Variants in FBN2 observed in about 807,000 individuals in gnomAD.
FBN2 encodes the protein fibrillin-2.
Under a neutral mutation model 355.6 loss-of-function variants are expected in FBN2, and 105 were observed. The observed-to-expected ratio is 0.30, with a 90% CI of 0.25 to 0.35. The LOEUF is 0.35. Among genes scored for constraint, FBN2 ranks in the 10% least tolerant of loss-of-function variants. The probability of loss-of-function intolerance (pLI) is 1.00; values close to 1 mark genes in which losing one functional copy is unlikely to be tolerated. For missense variants in FBN2, 3,280 were observed against 3,758.7 expected (o/e 0.87, Z 3.33); for synonymous variants, 1,350 against 1,301.2 (o/e 1.04, Z -0.81).
chr5:128,445,394 T>C (rs1388043258), intron 7 of FBN2, among the ~76,000 whole-genome samples: 3 of 152,230 alleles, frequency 2.0e-5, no homozygotes, highest in Non-Finnish European at 2.9e-5. Context: ...TATAAGATTA[T>C]GGTTTCTGGC....
chr5:128,302,891 T>G lies in FBN2; in HGVS notation c.5917+82A>C, dbSNP rs549210592. 1.3e-5 allele frequency: 11 copies of G among 840,580 alleles called. No homozygotes were observed. The African/African-American group carries it at 1.5e-4, about 12-fold the overall frequency. The allele number at this position is 840,580 out of a possible 1,614,324, so 52.1% of individuals were successfully genotyped here. The stretch of plus-strand genomic sequence containing the variant: ...GCAATTTTAGTAATATAATTTTTTT[T>G]TGTTCTTTAGTTTTGTTTTTTATTT... On this transcript the variant is annotated intron_variant, in intron 46 of 64. Coordinates refer to ENST00000262464, the MANE Select transcript of FBN2 (RefSeq NM_001999.4).
At chr5:128,417,154 A>T (rs918928452) in intron 7 of FBN2, among the ~76,000 whole-genome samples, 4 of 151,992 alleles carry the variant, frequency 2.6e-5, no homozygotes, top group Non-Finnish European at 5.9e-5. Flanking sequence ...TTTTTTAGCT[A>T]CTTCATTATT....
At chr5:128,320,527 A>G (rs990215020) in intron 34 of FBN2, among the ~76,000 whole-genome samples, 1 of 152,198 alleles carries the variant, frequency 6.6e-6, no homozygotes, top group Non-Finnish European at 1.5e-5. Context: ...TTTACTTTTA[A>G]ATGAACTTTA....
At chr5:128,330,438 A>C (rs1246586027) in intron 33 of FBN2, 135 bp downstream of exon 33, 9 of 841,984 alleles carry the variant, frequency 1.1e-5, no homozygotes, top group Non-Finnish European at 1.4e-5. Context: ...AAAGATACAT[A>C]GTCACCTGCA....
In FBN2 at chr5:128,494,756, C is replaced by T. The variant is rs544404115; in HGVS notation, c.628+24517G>A. 3.3e-5 allele frequency among the ~76,000 whole-genome samples: 5 copies of T among 152,264 alleles called. No individual in the cohort carries two copies. In the East Asian group the frequency reaches 9.7e-4, roughly 29 times the overall value. ...TCCACTGCAGAAGAAACAGACTTCA[C>T]TAAGATCGTCCAGCCAAGGCACTAA... On this transcript the variant is annotated intron_variant, in intron 5 of 64. Transcript: ENST00000262464.
At chr5:128,387,714 G>T (rs186311157) in intron 11 of FBN2, among the ~76,000 whole-genome samples, 1 of 152,050 alleles carries the variant, frequency 6.6e-6, no homozygotes, top group Non-Finnish European at 1.5e-5. Context: ...GAGTGTGGTT[G>T]GTATAATTTC....
chr5:128,508,766 T>C (rs1193603043), intron 5 of FBN2, among the ~76,000 whole-genome samples: 2 of 152,068 alleles, frequency 1.3e-5, no homozygotes, highest in African/African-American at 2.4e-5. Flanking sequence ...TATTTCTTAC[T>C]GTGCAGGTGA....
intron 55 of FBN2, among the ~76,000 whole-genome samples, chr5:128,285,311 C>A (rs1349482178): frequency 6.6e-6 from 1 of 151,916 alleles, no homozygotes; most frequent in African/African-American, 2.4e-5. Context: ...AATATTTTTA[C>A]TGTTTTTAAA....
At chr5:128,505,558 C>G (rs1399675298) in intron 5 of FBN2, among the ~76,000 whole-genome samples, 2 of 152,144 alleles carry the variant, frequency 1.3e-5, no homozygotes, top group Non-Finnish European at 2.9e-5. Context: ...ATCATTACAA[C>G]CTATATAACA....
Position 128,408,158 on chromosome 5 carries a change from A to C in FBN2, c.1078+516T>G, listed in dbSNP as rs182588709. 4.2e-3 allele frequency among the ~76,000 whole-genome samples: 645 copies of C among 152,348 alleles called. 4 individuals carry two copies. Among genetic ancestry groups the C allele is most frequent in the Non-Finnish European group, 7.4e-3 (502 of 68,028 alleles). ...ATGCTCGCAATAAGACAGATGTCTA[A>C]GCCTTGCTCAATAACAGATTACCTT... is the stretch of plus-strand genomic sequence containing the variant. On this transcript the variant is annotated intron_variant, in intron 8 of 64. Transcript: ENST00000262464.
chr5:128,355,696 C>G (rs750509241), intron 20 of FBN2, among the ~76,000 whole-genome samples: 34 of 152,128 alleles, frequency 2.2e-4, no homozygotes, highest in Non-Finnish European at 4.1e-4. Flanking sequence ...CAACTAGATT[C>G]TCTTTTTAAT....
At chr5:128,426,387 G>C (rs1753484110) in intron 7 of FBN2, among the ~76,000 whole-genome samples, 1 of 152,136 alleles carries the variant, frequency 6.6e-6, no homozygotes, top group Non-Finnish European at 1.5e-5. Flanking sequence ...ACTTTTGCCT[G>C]TAGACTTAGG....
chr5:128,408,890 T>A, intron 7 of FBN2, 91 bp from the exon 8 acceptor site: 1 of 1,395,048 alleles, frequency 7.2e-7, no homozygotes, highest in Admixed American at 1.7e-5. Context: ...ATGAGAGCAT[T>A]CATGGTTGAT....
chr5:128,509,733 CT>C (rs1461097763), intron 5 of FBN2, among the ~76,000 whole-genome samples: 9 of 152,004 alleles, frequency 5.9e-5, no homozygotes, highest in Middle Eastern at 3.4e-3. Flanking sequence ...ATGTTTGATC[CT>C]TTTAGCTGTT....
In FBN2 at chr5:128,454,401, TAA is replaced by T. The variant is rs201506339; in HGVS notation, c.827-7797_827-7796del. ...TAACTTGTGTTAATACAGCATGAAT[TAA>T]AGTTAGACTTTATAATGATCTCGTT... On this transcript the variant is annotated intron_variant, in intron 6 of 64. Coordinates refer to ENST00000262464, the MANE Select transcript of FBN2 (RefSeq NM_001999.4). 9.2e-5 allele frequency among the ~76,000 whole-genome samples: 14 copies of T among 152,360 alleles called. No individual in the cohort carries two copies. The East Asian group carries it at 2.7e-3, about 29-fold the overall frequency.
At chr5:128,411,916 TG>T (rs1753079241) in intron 7 of FBN2, among the ~76,000 whole-genome samples, 1 of 152,222 alleles carries the variant, frequency 6.6e-6, no homozygotes, top group Non-Finnish European at 1.5e-5. Context: ...TCTTCAATAC[TG>T]TATGTCATAA....
At position 128,459,344 on chromosome 5, in the gene FBN2, G is replaced by A. The variant is rs151278308; in HGVS notation, c.826+5380C>T. On this transcript the variant is annotated intron_variant, in intron 6 of 64. Coordinates refer to ENST00000262464, the MANE Select transcript of FBN2 (RefSeq NM_001999.4). Reference sequence around the variant, plus strand: ...AACCAAAAAAACCTCAGGACCAGACGGATTCACAGCTGAATTCTACAAGAA... The same window carrying A: ...AACCAAAAAAACCTCAGGACCAGACAGATTCACAGCTGAATTCTACAAGAA... Among the ~76,000 whole-genome samples the A allele has an allele frequency of 7.3e-3, 1,104 of 152,130 alleles. 13 individuals are homozygous for A. The highest frequency in any genetic ancestry group is 0.022 in the African/African-American group (908 of 41,480).
intron 26 of FBN2, 100 bp from the exon 27 acceptor site, chr5:128,338,222 G>T: frequency 8.4e-7 from 1 of 1,195,644 alleles, no homozygotes; most frequent in Non-Finnish European, 1.2e-6. Flanking sequence ...GAGAGTGTGA[G>T]TTAGTGGAAG....
chr5:128,493,843 T>C (rs959432924), intron 5 of FBN2, among the ~76,000 whole-genome samples: 3 of 152,124 alleles, frequency 2.0e-5, no homozygotes, highest in Non-Finnish European at 4.4e-5. Context: ...GTGACAGATC[T>C]GTTATGGTGG....
Sources: gnomAD v4.1 joint callset for allele counts (sites outside exome capture counted in the v4.1 genomes callset) on GRCh38, gnomAD v4.1.1 for gene constraint, MANE v1.5 for transcripts, NCBI Gene and HGNC (gene_info 2026-07-23, HGNC 2026-07-21) for gene names.